ALDH3A2: variants seen among roughly 807,000 people sequenced by gnomAD.
ALDH3A2 encodes aldehyde dehydrogenase family 3 member A2.
A neutral mutation model predicts 51.3 loss-of-function variants in ALDH3A2; 36 were observed. The ratio of observed to expected loss-of-function variants is 0.70; its 90% CI spans 0.54 to 0.93. ALDH3A2 has a LOEUF of 0.93. Among genes scored for constraint, ALDH3A2 ranks in the 40% least tolerant of loss-of-function variants. The pLI is 0.00. For missense variants in ALDH3A2, 552 were observed against 603.1 expected, an observed-to-expected ratio of 0.92 and a Z score of 0.89; for synonymous variants, 199 against 219.8, an observed-to-expected ratio of 0.91 and a Z score of 0.84.
intron 8 of ALDH3A2, among the ~76,000 whole-genome samples, chr17:19,670,431 G>A (rs1393922339): frequency 6.6e-6 from 1 of 152,250 alleles, no homozygotes; most frequent in African/African-American, 2.4e-5. Flanking sequence ...AGGCTGGAAT[G>A]CAGTGTGGCA....
rs769354565 is a variant in ALDH3A2, at chr17:19,656,430, AC to A, written c.538del (p.His180ThrfsTer22). On this transcript the variant is annotated frameshift_variant, in exon 4 of 10. Transcript: ENST00000176643. LOFTEE classifies it high-confidence loss of function. ...ETTELLKQRF[D>X]HIFYTGNTAV... ...ACGGAGCTCCTGAAGCAGCGATTTG[AC>A]CACATTTTCTATACGGGAAACACTG... The A allele has an allele frequency of 1.9e-6, 3 of 1,614,164 alleles. No homozygotes were observed. The highest frequency in any genetic ancestry group is 2.2e-5 in the South Asian group (2 of 91,074).
chr17:19,662,734 G>T (rs1387346339), intron 6 of ALDH3A2, among the ~76,000 whole-genome samples: 3 of 152,188 alleles, frequency 2.0e-5, no homozygotes, highest in Non-Finnish European at 4.4e-5. Context: ...AAGCACTCGA[G>T]TTAAGAAAAA....
rs181290597 is a variant in ALDH3A2, at chr17:19,656,343, G to A, written c.472-23G>A. On this transcript the variant is annotated intron_variant, in intron 3 of 9. Coordinates refer to ENST00000176643, the MANE Select transcript of ALDH3A2 (RefSeq NM_000382.3). Reference sequence around the variant, plus strand: ...TTAGGATTTATTTGGCAGTGCAAGAGTTTGTGTTTCTCTTTCTTTGAGGAT... The same window carrying A: ...TTAGGATTTATTTGGCAGTGCAAGAATTTGTGTTTCTCTTTCTTTGAGGAT... 1.7e-4 allele frequency: 277 copies of A among 1,591,614 alleles called. 1 individual carries two copies. The highest frequency in any genetic ancestry group is 3.4e-5 in the Non-Finnish European group (39 of 1,159,888).
chr17:19,667,553 A>G (rs1179223213), intron 8 of ALDH3A2, among the ~76,000 whole-genome samples: 1 of 151,676 alleles, frequency 6.6e-6, no homozygotes, highest in South Asian at 2.1e-4. Context: ...TATAGTTTAG[A>G]TTTTTCTTTT....
At chr17:19,658,863 T>C (rs2084931670) in intron 5 of ALDH3A2, among the ~76,000 whole-genome samples, 1 of 152,142 alleles carries the variant, frequency 6.6e-6, no homozygotes, top group Non-Finnish European at 1.5e-5. Context: ...GCAGTCACTG[T>C]TTACTCGACA....
chr17:19,648,986 C>G lies in ALDH3A2; in HGVS notation c.15C>G (p.Val5=), dbSNP rs2084774471. The G allele has an allele frequency of 1.3e-6, 2 of 1,586,066 alleles. No homozygotes were observed. The highest frequency in any genetic ancestry group is 1.7e-6 in the Non-Finnish European group (2 of 1,167,102). ...AGGACCAGGCCATGGAGCTCGAAGT[C>G]CGGCGGGTCCGACAGGCGTTCCTGT... MELE[V]RRVRQAFLSG... is the part of the protein sequence containing the mutation. The change falls in exon 1 of 10, where the codon GTC becomes GTG. Residue 5 remains valine, a synonymous_variant. Transcript: ENST00000176643.
chr17:19,648,813 C>G lies in ALDH3A2; in HGVS notation c.-159C>G. 2.0e-6 allele frequency: 2 copies of G among 1,024,732 alleles called. No individual in the cohort carries two copies. Among genetic ancestry groups the G allele is most frequent in the South Asian group, 1.6e-5 (1 of 63,524 alleles). The allele number at this position is 1,024,732 out of a possible 1,614,324, so 63.5% of individuals were successfully genotyped here. On this transcript the variant is annotated 5_prime_UTR_variant, in exon 1 of 10. Transcript: ENST00000176643. ...AGCGGGCGTGGAGGTCGCGGCTGAG[C>G]GAGCGAGCCCTGGGCGAGTGAATTG...
At position 19,663,492 on chromosome 17, in the gene ALDH3A2, A is replaced by G; in HGVS notation, c.1100A>G (p.Asn367Ser). The G allele has an allele frequency of 6.2e-7, 1 of 1,614,060 alleles. No homozygotes were observed. The highest frequency in any genetic ancestry group is 8.5e-7 in the Non-Finnish European group (1 of 1,179,982). Residue 367 changes from asparagine to serine, a missense_variant, in exon 7 of 10, where the codon AAC becomes AGC. Asn to Ser is a conservative substitution (Grantham distance 46). Transcript: ENST00000176643. ...CTGGCTCTTTATGTATTTTCGCATA[A>G]CCATAAGGTAAGCTTTAGAGAGAAC... ...KPLALYVFSH[N>S]HKLIKRMIDE...
At position 19,668,618 on chromosome 17, in the gene ALDH3A2, C is replaced by T. The variant is rs148788408; in HGVS notation, c.1208-3103C>T. On this transcript the variant is annotated intron_variant, in intron 8 of 9. Coordinates refer to ENST00000176643, the MANE Select transcript of ALDH3A2 (RefSeq NM_000382.3). ...AGGCTTAGAAAAGCTTTCCCTATTT[C>T]ATTATTATATAAATATCATCTGTAG... 9.4e-4 allele frequency among the ~76,000 whole-genome samples: 73 copies of T among 77,338 alleles called. 1 individual carries two copies. The highest frequency in any genetic ancestry group is 7.9e-3 in the Middle Eastern group (1 of 126). 50.7% of individuals were successfully genotyped at this position (77,338 alleles called of 152,430 possible).
chr17:19,673,145 T>C (rs939421757), intron 9 of ALDH3A2: 11 of 1,614,218 alleles, frequency 6.8e-6, no homozygotes, highest in Non-Finnish European at 9.3e-6. Flanking sequence ...ATTTGGGTTT[T>C]CTCAGAAATA....
In ALDH3A2 at chr17:19,664,997, A is replaced by G. The variant is rs72547575; in HGVS notation, c.1157A>G (p.Asn386Ser). The part of the protein sequence containing the change: ...DETSSGGVTG[N>S]DVIMHFTLNS... ...ACATCCAGTGGAGGTGTCACAGGCA[A>G]TGACGTCATTATGCACTTCACGCTC... The change falls in exon 8 of 10, where the codon AAT (asparagine) becomes AGT (serine). Residue 386 changes from asparagine (N) to serine (S), a missense_variant. Coordinates refer to ENST00000176643, the MANE Select transcript of ALDH3A2 (RefSeq NM_000382.3). 1.5e-5 allele frequency: 24 copies of G among 1,613,938 alleles called. No homozygotes were observed. Among genetic ancestry groups the G allele is most frequent in the East Asian group, 1.3e-4 (6 of 44,894 alleles).
intron 3 of ALDH3A2, among the ~76,000 whole-genome samples, chr17:19,653,163 G>A (rs894153715): frequency 1.3e-5 from 2 of 151,486 alleles, no homozygotes; most frequent in Non-Finnish European, 2.9e-5. Flanking sequence ...TTCTGCCTCA[G>A]CCTCCCAAGT....
intron 5 of ALDH3A2, among the ~76,000 whole-genome samples, chr17:19,660,058 A>T (rs908244677): frequency 6.6e-5 from 10 of 152,040 alleles, no homozygotes; most frequent in African/African-American, 2.4e-4. Context: ...AGAGTGGTTA[A>T]AGATACTTGT....
At position 19,665,053 on chromosome 17, in the gene ALDH3A2, T is replaced by TC; in HGVS notation, c.1207+7dup. 1 of 1,606,320 alleles carries TC rather than the reference T, an allele frequency of 6.2e-7. No homozygotes were observed. The highest frequency in any genetic ancestry group is 1.1e-5 in the South Asian group (1 of 90,906). The stretch of plus-strand genomic sequence containing the variant: ...TTTCCCATTTGGAGGAGTGGGTGAG[T>TC]CTTATTTTCTCCTGCTTGTAGTAGA... On this transcript the variant is annotated splice_region_variant and intron_variant, in intron 8 of 9. Transcript: ENST00000176643.
intron 9 of ALDH3A2, chr17:19,673,328 G>A (rs750083223): frequency 4.8e-5 from 75 of 1,561,226 alleles, no homozygotes; most frequent in Non-Finnish European, 5.8e-5. Context: ...GTTGGGGTAT[G>A]TTTTCAAGGG....
chr17:19,671,663 C>G, intron 8 of ALDH3A2, 58 bp from the exon 9 acceptor site: 1 of 1,470,568 alleles, frequency 6.8e-7, no homozygotes, highest in South Asian at 1.1e-5. Context: ...CGTTGTTAGA[C>G]AGAAGTAGCT....
chr17:19,666,888 G>GA (rs534023951), intron 8 of ALDH3A2, among the ~76,000 whole-genome samples: 74 of 150,758 alleles, frequency 4.9e-4, no homozygotes, highest in Admixed American at 8.6e-4. Context: ...AGATGCAAAA[G>GA]AAAAAAACAG....
chr17:19,653,656 C>T (rs1321872586), intron 3 of ALDH3A2, among the ~76,000 whole-genome samples: 5 of 152,154 alleles, frequency 3.3e-5, no homozygotes, highest in Non-Finnish European at 5.9e-5. Flanking sequence ...AAGCTGCAGA[C>T]CTTCGCAGTG....
Position 19,657,779 on chromosome 17 carries a change from C to G in ALDH3A2, c.715C>G (p.Gln239Glu), listed in dbSNP as rs1474432760. Reference protein sequence around the residue: ...ITWGKYMNCGQTCIAPDYILC... With the variant: ...ITWGKYMNCGETCIAPDYILC... ...CTGGGGAAAATACATGAATTGTGGC[C>G]AAACCTGCATTGCACCCGACTATAT... The change falls in exon 5 of 10, where the codon CAA (glutamine) becomes GAA (glutamate). Residue 239 changes from glutamine (Q) to glutamate (E), a missense_variant. By Grantham distance (29) the Gln-to-Glu change is conservative. Coordinates refer to ENST00000176643, the MANE Select transcript of ALDH3A2 (RefSeq NM_000382.3). 1.9e-6 allele frequency: 3 copies of G among 1,614,018 alleles called. No homozygotes were observed. Among genetic ancestry groups the G allele is most frequent in the Non-Finnish European group, 2.5e-6 (3 of 1,179,954 alleles).
Sources: gnomAD v4.1 joint callset for allele counts (sites outside exome capture counted in the v4.1 genomes callset) on GRCh38, gnomAD v4.1.1 for gene constraint, MANE v1.5 for transcripts, NCBI Gene and HGNC (gene_info 2026-07-23, HGNC 2026-07-21) for gene names.